Variants in TMEM123 observed in about 807,000 individuals in gnomAD.
TMEM123 encodes transmembrane protein 123.
Under a neutral mutation model 19.7 loss-of-function variants are expected in TMEM123, and 16 were observed. The observed-to-expected ratio is 0.81, with a 90% CI of 0.55 to 1.23. TMEM123 has a LOEUF of 1.23. Ranked by LOEUF, TMEM123 falls within the 50% of genes most tolerant of loss-of-function variation. TMEM123 has a pLI of 0.00. For synonymous variants in TMEM123, 118 were observed against 99.4 expected (o/e 1.19, Z -1.12); for missense variants, 313 against 257.8 (o/e 1.21, Z -1.47).
At position 102,396,378 on chromosome 11, in the gene TMEM123, A is replaced by G. The variant is rs546638024; in HGVS notation, c.*2489T>C. The G allele has an allele frequency of 3.3e-5, 5 of 152,386 alleles. No individual in the cohort carries two copies. Among genetic ancestry groups the G allele is most frequent in the African/African-American group, 1.2e-4 (5 of 41,588 alleles). 9.4% of individuals were successfully genotyped at this position (152,386 alleles called of 1,614,324 possible). On this transcript the variant is annotated 3_prime_UTR_variant, in exon 5 of 5. Transcript: ENST00000398136. ...ATTCTAAAAATAGAACTTGGTAACA[A>G]TGAAATACCAAAAGCTGGTCATTAT... is the stretch of plus-strand genomic sequence containing the variant.
intron 2 of TMEM123, among the ~76,000 whole-genome samples, chr11:102,408,432 C>T (rs924524873): frequency 6.6e-6 from 1 of 152,188 alleles, no homozygotes; most frequent in African/African-American, 2.4e-5. Context: ...GTTACCTAGG[C>T]ATGGTGAGTA....
chr11:102,397,398 T>G lies in TMEM123; in HGVS notation c.*1469A>C. The G allele has an allele frequency of 6.6e-6, 1 of 152,222 alleles. No homozygotes were observed. The highest frequency in any genetic ancestry group is 1.9e-4 in the East Asian group (1 of 5,202). The allele number at this position is 152,222 out of a possible 1,614,324, so 9.4% of individuals were successfully genotyped here. On this transcript the variant is annotated 3_prime_UTR_variant, in exon 5 of 5. Coordinates refer to ENST00000398136, the MANE Select transcript of TMEM123 (RefSeq NM_052932.3). ...TGTGATTCACTTTGGCCCTCTGAGA[T>G]AGAAATGCCATCTTAGTATTTACTG...
chr11:102,398,966 T>C, intron 4 of TMEM123, 75 bp from the exon 5 acceptor site: 2 of 1,330,744 alleles, frequency 1.5e-6, no homozygotes. Flanking sequence ...TATTTGTTAG[T>C]AAAGTAGGAT....
chr11:102,426,902 AT>A (rs372590565), intron 2 of TMEM123, among the ~76,000 whole-genome samples: 1 of 116,974 alleles, frequency 8.5e-6, no homozygotes, highest in African/African-American at 3.4e-5. Context: ...ACAACTGGCT[AT>A]TCAGTTGATA....
intron 2 of TMEM123, among the ~76,000 whole-genome samples, chr11:102,440,135 A>G (rs936802392): frequency 2.6e-5 from 4 of 152,208 alleles, no homozygotes; most frequent in Admixed American, 6.5e-5. Context: ...TCAGGATATT[A>G]TCCAGGAGAA....
chr11:102,404,861 A>G (rs934199011), intron 2 of TMEM123, among the ~76,000 whole-genome samples: 1 of 152,038 alleles, frequency 6.6e-6, no homozygotes, highest in Non-Finnish European at 1.5e-5. Context: ...TGGCCTCCCA[A>G]AGTGCTGGGA....
At chr11:102,405,674 A>AAC (rs148148694) in intron 2 of TMEM123, among the ~76,000 whole-genome samples, 104 of 151,972 alleles carry the variant, frequency 6.8e-4, no homozygotes, top group African/African-American at 2.1e-3. Flanking sequence ...TTTCGGATTC[A>AAC]ACACACACAC....
chr11:102,435,159 G>A (rs1857750248), intron 2 of TMEM123, among the ~76,000 whole-genome samples: 3 of 151,914 alleles, frequency 2.0e-5, no homozygotes, highest in African/African-American at 4.8e-5. Flanking sequence ...GGGCGACAAA[G>A]CAAGATTCCA....
At chr11:102,447,621 G>A (rs1368118341) in intron 2 of TMEM123, among the ~76,000 whole-genome samples, 1 of 152,148 alleles carries the variant, frequency 6.6e-6, no homozygotes, top group Non-Finnish European at 1.5e-5. Context: ...AAGGACAAAA[G>A]GAAAAGCTAT....
At chr11:102,409,519 G>A (rs142523938) in intron 2 of TMEM123, among the ~76,000 whole-genome samples, 46 of 151,458 alleles carry the variant, frequency 3.0e-4, no homozygotes, top group African/African-American at 9.4e-4. Flanking sequence ...ATTACCTGGA[G>A]ATCAAAAATC....
At chr11:102,447,394 C>A (rs1857895263) in intron 2 of TMEM123, among the ~76,000 whole-genome samples, 1 of 152,298 alleles carries the variant, frequency 6.6e-6, no homozygotes, top group African/African-American at 2.4e-5. Context: ...TGATCTTGGG[C>A]ATTTCCTAAC....
rs368358831 is a variant in TMEM123, at chr11:102,401,597, T to C, written c.544A>G (p.Ile182Val). The C allele has an allele frequency of 1.1e-5, 18 of 1,603,952 alleles. No individual in the cohort carries two copies. The highest frequency in any genetic ancestry group is 5.4e-5 in the African/African-American group (4 of 74,340). ...TACATTTTGCATCCAATGTAAAGAA[T>C]AGATAAAACTCCCAGCGTTAATACA... ...GIVLTLGVLS[I>V]LYIGCKMYYS... The change falls in exon 4 of 5, where the codon ATT (isoleucine) becomes GTT (valine). Residue 182 changes from isoleucine (I) to valine (V), a missense_variant. Transcript: ENST00000398136.
chr11:102,410,834 C>A (rs1223022696), intron 2 of TMEM123, among the ~76,000 whole-genome samples: 2 of 152,158 alleles, frequency 1.3e-5, no homozygotes, highest in Non-Finnish European at 2.9e-5. Context: ...AACACAGTTA[C>A]AATATGTATG....
intron 2 of TMEM123, among the ~76,000 whole-genome samples, chr11:102,417,627 G>A (rs147233686): frequency 1.3e-5 from 2 of 151,248 alleles, no homozygotes; most frequent in African/African-American, 4.8e-5. Flanking sequence ...ACCACCGTAA[G>A]TGGAAAAAAG....
intron 2 of TMEM123, among the ~76,000 whole-genome samples, chr11:102,435,959 T>C (rs1202339812): frequency 6.6e-6 from 1 of 151,828 alleles, no homozygotes; most frequent in Non-Finnish European, 1.5e-5. Flanking sequence ...GTGGTGATGG[T>C]TAAACATACC....
intron 2 of TMEM123, among the ~76,000 whole-genome samples, chr11:102,432,633 T>G (rs1030076004): frequency 6.6e-6 from 1 of 152,200 alleles, no homozygotes; most frequent in African/African-American, 2.4e-5. Flanking sequence ...GGAATTTGCA[T>G]AAGTAACAAG....
chr11:102,436,801 G>C (rs1259007891), intron 2 of TMEM123, among the ~76,000 whole-genome samples: 2 of 152,190 alleles, frequency 1.3e-5, no homozygotes, highest in African/African-American at 4.8e-5. Flanking sequence ...TGAAAAAGGA[G>C]TATTTAATGC....
At chr11:102,421,463 T>C (rs140839824) in intron 2 of TMEM123, among the ~76,000 whole-genome samples, 36 of 151,828 alleles carry the variant, frequency 2.4e-4, no homozygotes, top group African/African-American at 7.5e-4. Context: ...AGCTGCCACA[T>C]AAGAATTTGG....
At chr11:102,415,368 A>G (rs1294182609) in intron 2 of TMEM123, among the ~76,000 whole-genome samples, 1 of 152,178 alleles carries the variant, frequency 6.6e-6, no homozygotes, top group African/African-American at 2.4e-5. Context: ...CCACCCAACA[A>G]CAGAATATAC....
Sources: gnomAD v4.1 joint callset for allele counts (sites outside exome capture counted in the v4.1 genomes callset) on GRCh38, gnomAD v4.1.1 for gene constraint, MANE v1.5 for transcripts, NCBI Gene and HGNC (gene_info 2026-07-23, HGNC 2026-07-21) for gene names.